Variants in UBR3 observed in about 807,000 individuals in gnomAD.
UBR3 encodes ubiquitin protein ligase E3 component n-recognin 3.
UBR3 carries 85 observed loss-of-function variants against 243.2 expected under a neutral mutation model. That is an observed-to-expected ratio of 0.35 (90% CI 0.29 to 0.42). The LOEUF (loss-of-function observed/expected upper bound fraction) is 0.42, where lower values mean the gene tolerates loss of function less well. UBR3 is among the 10% of genes least tolerant of loss of function. The pLI is 1.00. For missense variants in UBR3, 1,686 were observed against 2,300.8 expected (o/e 0.73, Z 5.47); for synonymous variants, 748 against 799.8 (o/e 0.94, Z 1.09).
chr2:169,905,369 T>A, intron 9 of UBR3, 76 bp downstream of exon 9: 1 of 1,134,638 alleles, frequency 8.8e-7, no homozygotes, highest in Non-Finnish European at 1.2e-6. Flanking sequence ...TCAATTAAAA[T>A]ACAATAGCAC....
At chr2:169,888,404 G>T (rs1318504277) in intron 5 of UBR3, among the ~76,000 whole-genome samples, 2 of 152,118 alleles carry the variant, frequency 1.3e-5, no homozygotes, top group African/African-American at 2.4e-5. Flanking sequence ...CTCCCAAAGT[G>T]CTGGGATTAC....
intron 1 of UBR3, among the ~76,000 whole-genome samples, chr2:169,835,672 C>T (rs1253118805): frequency 6.6e-6 from 1 of 152,174 alleles, no homozygotes; most frequent in Admixed American, 6.5e-5. Flanking sequence ...AACTCCTGAC[C>T]TCAGGCAATC....
chr2:169,967,710 T>C (rs974490792), intron 24 of UBR3, among the ~76,000 whole-genome samples: 1 of 152,168 alleles, frequency 6.6e-6, no homozygotes, highest in Admixed American at 6.5e-5. Flanking sequence ...TGGTTGACTT[T>C]TATTGTTGTT....
chr2:169,968,804 C>T (rs13406578), intron 24 of UBR3, among the ~76,000 whole-genome samples: 1 of 152,184 alleles, frequency 6.6e-6, no homozygotes. Flanking sequence ...TACATTCTTA[C>T]TAGTAGTATA....
At chr2:170,006,632 G>A (rs1258909003) in intron 27 of UBR3, among the ~76,000 whole-genome samples, 1 of 152,158 alleles carries the variant, frequency 6.6e-6, no homozygotes, top group Non-Finnish European at 1.5e-5. Flanking sequence ...TATGAAAACA[G>A]GGGTATGGGG....
intron 31 of UBR3, among the ~76,000 whole-genome samples, chr2:170,032,416 C>T (rs2090696784): frequency 6.6e-6 from 1 of 151,816 alleles, no homozygotes; most frequent in Admixed American, 6.6e-5. Flanking sequence ...ATAATATTGG[C>T]CTCTACCATA....
chr2:169,922,507 G>A (rs1474368099), intron 11 of UBR3, among the ~76,000 whole-genome samples: 1 of 151,992 alleles, frequency 6.6e-6, no homozygotes, highest in East Asian at 1.9e-4. Flanking sequence ...GTATAGTTCA[G>A]TAGTGTTATG....
intron 1 of UBR3, among the ~76,000 whole-genome samples, chr2:169,831,133 T>A (rs1371953140): frequency 0.042 from 2,983 of 71,822 alleles, 130 homozygotes; most frequent in Non-Finnish European, 0.061. Context: ...ATATATTTTT[T>A]TTTTTTTTTT....
intron 28 of UBR3, 134 bp from the exon 29 acceptor site, chr2:170,008,670 A>G (rs1384235583): frequency 8.0e-6 from 4 of 502,586 alleles, no homozygotes; most frequent in African/African-American, 2.0e-5. Context: ...AAATATATTT[A>G]TAATAGATAA....
intron 36 of UBR3, 111 bp downstream of exon 36, chr2:170,073,718 A>T: frequency 8.6e-7 from 1 of 1,160,856 alleles, no homozygotes; most frequent in Non-Finnish European, 1.2e-6. Flanking sequence ...CAATTATAAA[A>T]CTTGATTAAA....
At chr2:169,878,662 G>C in intron 5 of UBR3, 88 bp downstream of exon 5, 1 of 1,196,594 alleles carries the variant, frequency 8.4e-7, no homozygotes, top group Non-Finnish European at 1.2e-6. Flanking sequence ...TTATAGTTCT[G>C]AAACTGTATA....
intron 31 of UBR3, among the ~76,000 whole-genome samples, chr2:170,034,964 A>G (rs1431454857): frequency 2.6e-5 from 4 of 151,444 alleles, no homozygotes; most frequent in African/African-American, 7.3e-5. Context: ...GCATCTGTAT[A>G]TCTTCTTTGG....
At chr2:169,889,636 G>C (rs2084248701) in intron 5 of UBR3, among the ~76,000 whole-genome samples, 1 of 152,182 alleles carries the variant, frequency 6.6e-6, no homozygotes, top group African/African-American at 2.4e-5. Context: ...TAGTTCTGTT[G>C]CCTGGTGGAT....
chr2:170,034,727 T>A (rs1395259881), intron 31 of UBR3, among the ~76,000 whole-genome samples: 2 of 152,028 alleles, frequency 1.3e-5, no homozygotes, highest in East Asian at 3.8e-4. Context: ...ATAGCATGTT[T>A]AGTTTTGTGA....
At chr2:170,012,209 A>T (rs1226265735) in intron 29 of UBR3, among the ~76,000 whole-genome samples, 1 of 152,190 alleles carries the variant, frequency 6.6e-6, no homozygotes. Flanking sequence ...ATTCTTTCCT[A>T]AAACAATCCT....
intron 24 of UBR3, among the ~76,000 whole-genome samples, chr2:169,963,724 C>T (rs1451640470): frequency 6.6e-6 from 1 of 151,952 alleles, no homozygotes; most frequent in African/African-American, 2.4e-5. Context: ...TAGGTTATAC[C>T]CTTACAAGAC....
At chr2:169,956,238 A>G (rs1559131690) in intron 23 of UBR3, among the ~76,000 whole-genome samples, 1 of 145,388 alleles carries the variant, frequency 6.9e-6, no homozygotes, top group African/African-American at 2.6e-5. Context: ...CTGTGTATCT[A>G]TCTATCTGGA....
chr2:170,007,180 G>A lies in UBR3; in HGVS notation c.4220G>A (p.Gly1407Glu), dbSNP rs2089944068. The A allele has an allele frequency of 6.3e-7, 1 of 1,599,312 alleles. No individual in the cohort carries two copies. Among genetic ancestry groups the A allele is most frequent in the Non-Finnish European group, 8.5e-7 (1 of 1,172,480 alleles). The change falls in exon 28 of 39, where the codon GGA (glycine) becomes GAA (glutamate). Residue 1407 changes from glycine (G) to glutamate (E), a missense_variant. By Grantham distance (98) the Gly-to-Glu change is moderately conservative. This residue lies in a region of UBR3 where 371 missense variants were observed against 422.5 expected (regional missense o/e 0.88). Coordinates refer to ENST00000272793, the MANE Select transcript of UBR3 (RefSeq NM_172070.4). ...KEVEELQGRP[G>E]AFPSETNLSK... ...GTGGAGGAGCTGCAGGGACGACCGG[G>A]AGCTTTCCCAGTAAGCATCAGTGTA...
At chr2:169,881,437 C>T (rs1040160473) in intron 5 of UBR3, among the ~76,000 whole-genome samples, 5 of 151,862 alleles carry the variant, frequency 3.3e-5, no homozygotes, top group Non-Finnish European at 7.4e-5. Context: ...CCTTGGCCTC[C>T]CAAAGTGCTG....
Sources: gnomAD v4.1 joint callset for allele counts (sites outside exome capture counted in the v4.1 genomes callset) on GRCh38, gnomAD v4.1.1 for gene constraint, gnomAD v4.1.1 regional missense constraint, MANE v1.5 for transcripts, NCBI Gene and HGNC (gene_info 2026-07-23, HGNC 2026-07-21) for gene names.